PYGB: variants seen among roughly 807,000 people sequenced by gnomAD.
PYGB encodes glycogen phosphorylase B.
In PYGB, 82 loss-of-function variants were observed where a neutral mutation model predicts 94.3. The ratio of observed to expected loss-of-function variants is 0.87; its 90% CI spans 0.73 to 1.04. PYGB has a LOEUF of 1.04. Among genes scored for constraint, PYGB ranks in the 50% least tolerant of loss-of-function variants. The pLI is 0.00. For synonymous variants in PYGB, 488 were observed against 479.1 expected (o/e 1.02, Z -0.24); for missense variants, 1,132 against 1,158.2 (o/e 0.98, Z 0.33).
At chr20:25,284,905 C>G (rs2088403988) in intron 14 of PYGB, 1 of 152,082 alleles carries the variant, frequency 6.6e-6, no homozygotes, top group Non-Finnish European at 1.5e-5. Context: ...GAAACAGAGA[C>G]CCCCAAAGGT....
intron 1 of PYGB, 94 bp from the exon 2 acceptor site, chr20:25,259,143 G>A: frequency 2.7e-6 from 3 of 1,123,456 alleles, no homozygotes; most frequent in Non-Finnish European, 3.9e-6. Flanking sequence ...GAAATCCCGA[G>A]TGGGGGCTTG....
In PYGB at chr20:25,248,409, GC is replaced by G. The variant is rs748049555; in HGVS notation, c.232del (p.Arg78AlafsTer24). 1 of 1,545,888 alleles carries G rather than the reference GC, an allele frequency of 6.5e-7. No individual in the cohort carries two copies. The highest frequency in any genetic ancestry group is 8.7e-7 in the Non-Finnish European group (1 of 1,145,376). ...WIRTQQHYYE[R>X]DPKRIYYLSL... ...TCCGCACGCAGCAGCACTACTACGA[GC>G]GCGACCCCAAGGTGAGGCGCTGCCC... On this transcript the variant is annotated frameshift_variant, in exon 1 of 20. Transcript: ENST00000216962. LOFTEE classifies it high-confidence loss of function.
intron 3 of PYGB, 79 bp downstream of exon 3, chr20:25,269,286 TA>T: frequency 1.7e-6 from 2 of 1,205,034 alleles, no homozygotes; most frequent in Non-Finnish European, 2.3e-6. Context: ...CAGGGTCAGG[TA>T]AATTGGCCTC....
chr20:25,285,146 G>A (rs1463383677), intron 14 of PYGB: 1 of 152,206 alleles, frequency 6.6e-6, no homozygotes, highest in African/African-American at 2.4e-5. Context: ...ACAGAGGCTA[G>A]AGGCCACCCC....
chr20:25,280,675 T>TC (rs1363641744), intron 10 of PYGB, among the ~76,000 whole-genome samples: 4 of 152,174 alleles, frequency 2.6e-5, no homozygotes. Flanking sequence ...GCCCTGTGGG[T>TC]CCCTGGGCCG....
chr20:25,257,635 C>G (rs1020060062), intron 1 of PYGB, among the ~76,000 whole-genome samples: 1 of 152,124 alleles, frequency 6.6e-6, no homozygotes, highest in Non-Finnish European at 1.5e-5. Context: ...TTGCAGCCAG[C>G]CTGGGCAACA....
chr20:25,252,145 C>T (rs1483802960), intron 1 of PYGB, among the ~76,000 whole-genome samples: 1 of 152,232 alleles, frequency 6.6e-6, no homozygotes, highest in African/African-American at 2.4e-5. Context: ...GTCATTTTCT[C>T]TGACCAGTAG....
At chr20:25,261,037 A>G (rs949356026) in intron 2 of PYGB, among the ~76,000 whole-genome samples, 1 of 152,146 alleles carries the variant, frequency 6.6e-6, no homozygotes, top group African/African-American at 2.4e-5. Flanking sequence ...GCCTCTGTAG[A>G]CTCCACCTCT....
chr20:25,292,427 CGCA>C lies in PYGB; in HGVS notation c.1996_1998del (p.Gln666del), dbSNP rs760662558. ...ACAGTGATCCCGGCCGCTGATCTGT[CGCA>C]GCAGATCTCCACTGCAGGCACCGAG... On this transcript the variant is annotated inframe_deletion, in exon 17 of 20. Coordinates refer to ENST00000216962, the MANE Select transcript of PYGB (RefSeq NM_002862.4). 1 of 1,613,310 alleles carries C rather than the reference CGCA, an allele frequency of 6.2e-7. No homozygotes were observed. The highest frequency in any genetic ancestry group is 1.1e-5 in the South Asian group (1 of 91,086).
intron 2 of PYGB, among the ~76,000 whole-genome samples, chr20:25,267,313 A>AT (rs1218616483): frequency 2.6e-5 from 4 of 152,146 alleles, no homozygotes; most frequent in Non-Finnish European, 5.9e-5. Context: ...ATGACTGCTG[A>AT]TGGGCACGGG....
Position 25,294,176 on chromosome 20 carries a change from C to T in PYGB, c.2196C>T (p.Tyr732=), listed in dbSNP as rs2088502881. The change falls in exon 18 of 20, where the codon TAC becomes TAT. Residue 732 remains tyrosine, a synonymous_variant. Transcript: ENST00000216962. ...CTCACAGGTACAATGCCAGGGAGTA[C>T]TACGACCACCTGCCCGAGCTGAAGC... ...LDRKGYNARE[Y]YDHLPELKQA... 1 of 1,613,868 alleles carries T rather than the reference C, an allele frequency of 6.2e-7. No homozygotes were observed. Among genetic ancestry groups the T allele is most frequent in the South Asian group, 1.1e-5 (1 of 91,082 alleles).
In PYGB at chr20:25,280,336, G is replaced by C; in HGVS notation, c.1163G>C (p.Trp388Ser). 3 of 1,614,116 alleles carry C rather than the reference G, an allele frequency of 1.9e-6. No individual in the cohort carries two copies. Among genetic ancestry groups the C allele is most frequent in the Non-Finnish European group, 2.5e-6 (3 of 1,179,930 alleles). The change falls in exon 10 of 20, where the codon TGG becomes TCG. Residue 388 changes from tryptophan to serine, a missense_variant. Coordinates refer to ENST00000216962, the MANE Select transcript of PYGB (RefSeq NM_002862.4). ...GTGCTGCCTGAGGCCTTGGAGCGCTGGCCCGTGTCCATGTTTGAGAAGCTG... is the reference window on the plus strand; with the variant it reads ...GTGCTGCCTGAGGCCTTGGAGCGCTCGCCCGTGTCCATGTTTGAGAAGCTG... ...HTVLPEALER[W>S]PVSMFEKLLP...
intron 11 of PYGB, 64 bp from the exon 12 acceptor site, chr20:25,281,969 G>T: frequency 7.2e-7 from 1 of 1,390,122 alleles, no homozygotes; most frequent in South Asian, 1.2e-5. Context: ...GGACTTTAAG[G>T]TCTGTTGCTC....
intron 2 of PYGB, among the ~76,000 whole-genome samples, chr20:25,264,627 A>G (rs993156901): frequency 1.3e-5 from 2 of 152,228 alleles, no homozygotes; most frequent in African/African-American, 4.8e-5. Context: ...CCTATACACC[A>G]ATAAACAGAC....
chr20:25,288,289 C>A (rs535700382), intron 14 of PYGB, 136 bp from the exon 15 acceptor site: 1 of 1,007,988 alleles, frequency 9.9e-7, no homozygotes, highest in South Asian at 1.3e-5. Flanking sequence ...CACTGTCACC[C>A]GTGTCTCTGG....
At chr20:25,277,948 CA>C (rs1159676783) in intron 7 of PYGB, among the ~76,000 whole-genome samples, 1 of 152,236 alleles carries the variant, frequency 6.6e-6, no homozygotes, top group Non-Finnish European at 1.5e-5. Context: ...AACCTGTGCA[CA>C]CAGGAGCAAA....
chr20:25,290,988 C>G (rs1349465406), intron 16 of PYGB, among the ~76,000 whole-genome samples: 1 of 151,450 alleles, frequency 6.6e-6, no homozygotes, highest in Admixed American at 6.6e-5. Context: ...GGCCTGCCCT[C>G]TGTACCCTCC....
chr20:25,274,632 G>T lies in PYGB; in HGVS notation c.569G>T (p.Trp190Leu). Reference sequence around the variant, plus strand: ...GACTGGCTGCGCTACGGCAACCCCTGGGAGAAAGCGCGGCCTGAGTATATG... The same window carrying T: ...GACTGGCTGCGCTACGGCAACCCCTTGGAGAAAGCGCGGCCTGAGTATATG... ...ADDWLRYGNPWEKARPEYMLP... is the reference protein window; with the variant it reads ...ADDWLRYGNPLEKARPEYMLP... Residue 190 changes from tryptophan to leucine, a missense_variant, in exon 5 of 20, where the codon TGG (tryptophan) becomes TTG (leucine). Coordinates refer to ENST00000216962, the MANE Select transcript of PYGB (RefSeq NM_002862.4). 6.2e-7 allele frequency: 1 copy of T among 1,613,858 alleles called. No individual in the cohort carries two copies.
chr20:25,256,502 A>C (rs8114789), intron 1 of PYGB, among the ~76,000 whole-genome samples: 2 of 147,484 alleles, frequency 1.4e-5, no homozygotes, highest in Non-Finnish European at 2.9e-5. Flanking sequence ...TCTCAAAAAA[A>C]AAAAAACAAA....
Sources: allele counts gnomAD v4.1 joint callset (sites outside exome capture counted in the v4.1 genomes callset), GRCh38; gene constraint gnomAD v4.1.1; transcripts MANE v1.5; gene names NCBI Gene and HGNC (gene_info 2026-07-23, HGNC 2026-07-21).